The following NLGN1 variants were observed in gnomAD, a reference collection of about 807,000 sequenced individuals.
The protein encoded by NLGN1 is neuroligin 1, also known as neuroligin-1.
A neutral mutation model predicts 65.5 loss-of-function variants in NLGN1; 12 were observed. The ratio of observed to expected loss-of-function variants is 0.18; its 90% CI spans 0.12 to 0.30. The LOEUF (loss-of-function observed/expected upper bound fraction) is 0.30. NLGN1 is among the 10% of genes least tolerant of loss of function. The probability of loss-of-function intolerance (pLI) is 1.00; values close to 1 mark genes in which losing one functional copy is unlikely to be tolerated. For missense variants in NLGN1, 750 were observed against 1,007.1 expected (o/e 0.74, Z 3.46); for synonymous variants, 350 against 359.5 (o/e 0.97, Z 0.30).
At chr3:173,555,541 A>G (rs1741566608) in intron 2 of NLGN1, among the ~76,000 whole-genome samples, 2 of 152,164 alleles carry the variant, frequency 1.3e-5, no homozygotes, top group African/African-American at 2.4e-5. Flanking sequence ...GTGCAGTGGC[A>G]TGATTACGGC....
intron 4 of NLGN1, among the ~76,000 whole-genome samples, chr3:174,110,086 T>A (rs1454703479): frequency 6.6e-6 from 1 of 152,058 alleles, no homozygotes; most frequent in Admixed American, 6.6e-5. Flanking sequence ...TACACTTGAT[T>A]TGTCATTTTT....
At chr3:173,673,568 A>C (rs1762733213) in intron 3 of NLGN1, among the ~76,000 whole-genome samples, 1 of 152,160 alleles carries the variant, frequency 6.6e-6, no homozygotes, top group African/African-American at 2.4e-5. Flanking sequence ...AGTATCAAGC[A>C]TGGTGCATTT....
chr3:173,734,887 G>T (rs1227685471), intron 3 of NLGN1, among the ~76,000 whole-genome samples: 1 of 152,082 alleles, frequency 6.6e-6, no homozygotes, highest in South Asian at 2.1e-4. Flanking sequence ...TATTAGCAAC[G>T]GCAGAATAAA....
At chr3:173,876,163 A>C (rs1732069872) in intron 4 of NLGN1, among the ~76,000 whole-genome samples, 1 of 152,236 alleles carries the variant, frequency 6.6e-6, no homozygotes, top group Admixed American at 6.5e-5. Context: ...TCTTAAAGGA[A>C]ACAAGATGTA....
intron 2 of NLGN1, among the ~76,000 whole-genome samples, chr3:173,478,034 C>T (rs1211669140): frequency 6.6e-6 from 1 of 152,098 alleles, no homozygotes; most frequent in African/African-American, 2.4e-5. Context: ...ACCATTTGAC[C>T]AAGCAATCCC....
chr3:173,423,072 T>C (rs981434976), intron 1 of NLGN1, among the ~76,000 whole-genome samples: 7 of 152,004 alleles, frequency 4.6e-5, no homozygotes, highest in African/African-American at 1.7e-4. Context: ...GCAAGGAGCT[T>C]CTCCACAAGG....
intron 3 of NLGN1, among the ~76,000 whole-genome samples, chr3:173,750,772 T>C (rs1031821485): frequency 4.6e-5 from 7 of 152,090 alleles, no homozygotes; most frequent in African/African-American, 1.7e-4. Flanking sequence ...AATCCTTTTA[T>C]GCAAATGCTT....
chr3:173,527,473 C>T (rs1456416074), intron 2 of NLGN1, among the ~76,000 whole-genome samples: 1 of 152,204 alleles, frequency 6.6e-6, no homozygotes, highest in Non-Finnish European at 1.5e-5. Flanking sequence ...TCTCAGCTCA[C>T]TGCAAGCTCC....
intron 2 of NLGN1, among the ~76,000 whole-genome samples, chr3:173,475,325 A>AATTG (rs397829242): frequency 2.6e-5 from 4 of 152,060 alleles, no homozygotes; most frequent in Admixed American, 6.6e-5. Flanking sequence ...TTTTCTGATT[A>AATTG]TCAAAATCCT....
intron 3 of NLGN1, among the ~76,000 whole-genome samples, chr3:173,679,301 G>A (rs16829358): frequency 3.7e-4 from 56 of 152,002 alleles, no homozygotes; most frequent in African/African-American, 1.1e-3. Context: ...CAGAAAATGC[G>A]CAGTTCAAGA....
At chr3:173,897,530 G>C (rs947215720) in intron 4 of NLGN1, among the ~76,000 whole-genome samples, 10 of 152,098 alleles carry the variant, frequency 6.6e-5, no homozygotes, top group African/African-American at 2.2e-4. Context: ...ACTAAGTGTA[G>C]TCTCAGTCAG....
chr3:173,440,603 T>G (rs1435711343), intron 2 of NLGN1, among the ~76,000 whole-genome samples: 1 of 152,170 alleles, frequency 6.6e-6, no homozygotes, highest in African/African-American at 2.4e-5. Flanking sequence ...CTTGAGTGAC[T>G]AGGTGCGTTG....
chr3:173,867,026 A>G (rs1730313367), intron 4 of NLGN1, among the ~76,000 whole-genome samples: 1 of 152,232 alleles, frequency 6.6e-6, no homozygotes, highest in South Asian at 2.1e-4. Context: ...TAAACGGCAT[A>G]GTACTATTTT....
intron 3 of NLGN1, among the ~76,000 whole-genome samples, chr3:173,690,169 A>C (rs1765260712): frequency 6.6e-6 from 1 of 152,166 alleles, no homozygotes; most frequent in Non-Finnish European, 1.5e-5. Context: ...AAAGAAAATG[A>C]ACTAATGGTC....
chr3:174,014,079 A>G (rs539395420), intron 4 of NLGN1, among the ~76,000 whole-genome samples: 1 of 152,280 alleles, frequency 6.6e-6, no homozygotes, highest in Admixed American at 6.5e-5. Flanking sequence ...GCCACGTCTT[A>G]GGTAAATGGA....
chr3:174,275,600 C>T (rs2152886677), intron 5 of NLGN1, 73 bp downstream of exon 5: 1 of 847,636 alleles, frequency 1.2e-6, no homozygotes, highest in Admixed American at 1.9e-5. Flanking sequence ...ATGTGATGCT[C>T]TGTATATTTC....
intron 4 of NLGN1, among the ~76,000 whole-genome samples, chr3:173,832,471 C>G (rs1722793424): frequency 6.6e-6 from 1 of 152,162 alleles, no homozygotes; most frequent in Non-Finnish European, 1.5e-5. Context: ...TATACTGCTG[C>G]CCTTGCAAAG....
chr3:173,522,018 A>G lies in NLGN1; in HGVS notation c.-320-82261A>G, dbSNP rs140662916. On this transcript the variant is annotated intron_variant, in intron 2 of 6. Coordinates refer to ENST00000457714, the Ensembl canonical transcript of NLGN1. Reference sequence around the variant, plus strand: ...AATTACTAGTTACACTAGAAGCCCAATCCCCACCACTATAGCCTAACTGTC... The same window carrying G: ...AATTACTAGTTACACTAGAAGCCCAGTCCCCACCACTATAGCCTAACTGTC... Among the ~76,000 whole-genome samples the G allele has an allele frequency of 7.3e-3, 1,114 of 152,324 alleles. 13 individuals are homozygous for G. The highest frequency in any genetic ancestry group is 0.01 in the Non-Finnish European group (695 of 68,020).
chr3:173,803,061 G>A (rs539137602), intron 3 of NLGN1, among the ~76,000 whole-genome samples: 46 of 151,824 alleles, frequency 3.0e-4, no homozygotes, highest in African/African-American at 1.1e-3. Context: ...GGCTGGTCTC[G>A]AACTCCTGAC....
Sources: gnomAD v4.1 joint callset for allele counts (sites outside exome capture counted in the v4.1 genomes callset) on GRCh38, gnomAD v4.1.1 for gene constraint, MANE v1.5 for transcripts, NCBI Gene and HGNC (gene_info 2026-07-23, HGNC 2026-07-21) for gene names.